Variants in EFCAB11 observed in about 807,000 individuals in gnomAD.
The protein encoded by EFCAB11 is EF-hand calcium-binding domain-containing protein 11.
In EFCAB11, 14 loss-of-function variants were observed where a neutral mutation model predicts 23.0. The observed-to-expected ratio is 0.61, with a 90% CI of 0.40 to 0.95. EFCAB11 has a LOEUF of 0.95. EFCAB11 is among the 40% of genes least tolerant of loss of function. The probability of loss-of-function intolerance (pLI) is 0.00; values close to 1 mark genes in which losing one functional copy is unlikely to be tolerated. For missense variants in EFCAB11, 198 were observed against 195.8 expected (o/e 1.01, Z -0.07); for synonymous variants, 65 against 66.6 (o/e 0.98, Z 0.11).
At chr14:89,841,458 C>A (rs1236519072) in intron 5 of EFCAB11, among the ~76,000 whole-genome samples, 1 of 151,880 alleles carries the variant, frequency 6.6e-6, no homozygotes, top group Non-Finnish European at 1.5e-5. Context: ...GCCGCACCCC[C>A]AGTCTGCTAT....
At chr14:89,929,957 A>G (rs963233356) in intron 5 of EFCAB11, among the ~76,000 whole-genome samples, 1 of 152,226 alleles carries the variant, frequency 6.6e-6, no homozygotes, top group African/African-American at 2.4e-5. Context: ...TATTTGGACA[A>G]CTGGTCTTTT....
At chr14:89,932,675 T>C (rs777558476) in intron 3 of EFCAB11, 48 bp from the exon 4 acceptor site, 87 of 1,445,240 alleles carry the variant, frequency 6.0e-5, no homozygotes, top group Admixed American at 3.8e-4. Flanking sequence ...TGTCTTCCTC[T>C]TTAAGAAAAA....
In EFCAB11 at chr14:89,953,989, A is replaced by G. The variant is rs1456455138; in HGVS notation, c.88T>C (p.Cys30Arg). 4 of 1,612,672 alleles carry G rather than the reference A, an allele frequency of 2.5e-6. No homozygotes were observed. Among genetic ancestry groups the G allele is most frequent in the African/African-American group, 1.3e-5 (1 of 74,896 alleles). ...HRKWVEVFKACDEDHKGYLSR... is the reference protein window; with the variant it reads ...HRKWVEVFKARDEDHKGYLSR... The stretch of plus-strand genomic sequence containing the variant: ...AGATATCCTTTGTGATCTTCATCAC[A>G]TGCTTTAAATACCTGAAGAACATTA... The change falls in exon 2 of 6, where the codon TGT becomes CGT. Residue 30 changes from cysteine (C) to arginine (R), a missense_variant. Cys to Arg is a radical substitution (Grantham distance 180). Coordinates refer to ENST00000316738, the MANE Select transcript of EFCAB11 (RefSeq NM_145231.4).
chr14:89,862,953 A>G (rs1887971202), intron 5 of EFCAB11, among the ~76,000 whole-genome samples: 1 of 152,178 alleles, frequency 6.6e-6, no homozygotes, highest in Admixed American at 6.5e-5. Context: ...CCTCTGCATT[A>G]TTTCTTTCTA....
intron 5 of EFCAB11, among the ~76,000 whole-genome samples, chr14:89,909,644 G>A (rs954114867): frequency 6.6e-4 from 84 of 127,674 alleles, no homozygotes; most frequent in Admixed American, 3.0e-4. Context: ...ATGGCTTCCC[G>A]GTATCTCAGG....
At chr14:89,810,572 A>G (rs1886118211) in intron 5 of EFCAB11, among the ~76,000 whole-genome samples, 1 of 152,126 alleles carries the variant, frequency 6.6e-6, no homozygotes, top group Admixed American at 6.5e-5. Context: ...CCTGGCCAAC[A>G]TGGTAAAACC....
At chr14:89,889,640 T>G (rs1888900124) in intron 5 of EFCAB11, among the ~76,000 whole-genome samples, 1 of 152,250 alleles carries the variant, frequency 6.6e-6, no homozygotes, top group African/African-American at 2.4e-5. Context: ...TTAAAACTGT[T>G]TGTGCAGACA....
In EFCAB11 at chr14:89,874,576, T is replaced by C. The variant is rs1888376850; in HGVS notation, c.410+56965A>G. ...GTTCCAATTCCAAACCACATCTTTGTGAATGAATAAAGTGGAATGCTTTTA... is the reference window on the plus strand; with the variant it reads ...GTTCCAATTCCAAACCACATCTTTGCGAATGAATAAAGTGGAATGCTTTTA... On this transcript the variant is annotated intron_variant, in intron 5 of 5. Transcript: ENST00000316738. Among the ~76,000 whole-genome samples, 4 of 152,288 alleles carry C rather than the reference T, an allele frequency of 2.6e-5. 1 individual carries two copies. The South Asian group carries it at 6.2e-4, about 24-fold the overall frequency.
At chr14:89,923,808 C>T (rs1380459556) in intron 5 of EFCAB11, 9 of 985,142 alleles carry the variant, frequency 9.1e-6, no homozygotes, top group Non-Finnish European at 1.1e-5. Flanking sequence ...TAGAGATGGA[C>T]CAGGAAAATG....
chr14:89,836,295 G>C (rs1001793328), intron 5 of EFCAB11: 2 of 257,778 alleles, frequency 7.8e-6, no homozygotes, highest in Non-Finnish European at 1.5e-5. Context: ...TCCTTCCATG[G>C]AGCAAGGACT....
chr14:89,863,293 A>G (rs1037632072), intron 5 of EFCAB11, among the ~76,000 whole-genome samples: 1 of 152,214 alleles, frequency 6.6e-6, no homozygotes, highest in African/African-American at 2.4e-5. Context: ...GATCTATATG[A>G]CCAACTCCTA....
chr14:89,949,210 T>G (rs1488832200), intron 3 of EFCAB11, among the ~76,000 whole-genome samples: 1 of 152,100 alleles, frequency 6.6e-6, no homozygotes, highest in Non-Finnish European at 1.5e-5. Context: ...TATTACACAT[T>G]ACATGCCTAC....
rs532276324 is a variant in EFCAB11, at chr14:89,801,302, G to A, written c.411-3978C>T. 1.1e-3 allele frequency among the ~76,000 whole-genome samples: 174 copies of A among 152,214 alleles called. 1 individual carries two copies. The highest frequency in any genetic ancestry group is 3.4e-3 in the Middle Eastern group (1 of 294). ...CCTATCTTCACCAAGGGAGTGCCAG[G>A]CACACACACACTGTGGGGGATGGTG... On this transcript the variant is annotated intron_variant, in intron 5 of 5. Transcript: ENST00000316738.
At chr14:89,816,305 T>C (rs1277624950) in intron 5 of EFCAB11, among the ~76,000 whole-genome samples, 1 of 152,214 alleles carries the variant, frequency 6.6e-6, no homozygotes, top group Non-Finnish European at 1.5e-5. Flanking sequence ...TAGGTTTTTC[T>C]AAATATGTTG....
At chr14:89,940,616 G>A (rs1036439787) in intron 3 of EFCAB11, among the ~76,000 whole-genome samples, 20 of 152,072 alleles carry the variant, frequency 1.3e-4, no homozygotes, top group Admixed American at 1.2e-3. Context: ...CAAAGTTGAG[G>A]GTTAAAAGTA....
intron 5 of EFCAB11, among the ~76,000 whole-genome samples, chr14:89,899,535 C>T (rs967175354): frequency 3.9e-5 from 6 of 152,102 alleles, no homozygotes; most frequent in Non-Finnish European, 8.8e-5. Context: ...AATCCCTCCC[C>T]CACAAAAAGT....
intron 5 of EFCAB11, among the ~76,000 whole-genome samples, chr14:89,813,039 T>C (rs1886201709): frequency 6.6e-6 from 1 of 152,168 alleles, no homozygotes; most frequent in African/African-American, 2.4e-5. Flanking sequence ...TATGAATAGA[T>C]AATTCACAGA....
At chr14:89,942,775 G>T (rs1890836467) in intron 3 of EFCAB11, among the ~76,000 whole-genome samples, 1 of 152,122 alleles carries the variant, frequency 6.6e-6, no homozygotes. Flanking sequence ...CACCCTGGCT[G>T]CCCTCAAATT....
intron 5 of EFCAB11, among the ~76,000 whole-genome samples, chr14:89,816,438 A>C (rs1469752824): frequency 6.6e-6 from 1 of 152,224 alleles, no homozygotes; most frequent in Non-Finnish European, 1.5e-5. Context: ...CTAACATGCA[A>C]AGTAACCATA....
Sources: gnomAD v4.1 joint callset for allele counts (sites outside exome capture counted in the v4.1 genomes callset) on GRCh38, gnomAD v4.1.1 for gene constraint, MANE v1.5 for transcripts, NCBI Gene and HGNC (gene_info 2026-07-23, HGNC 2026-07-21) for gene names.